The following STPG2 variants were observed in gnomAD, a reference collection of about 807,000 sequenced individuals.
STPG2 encodes the protein sperm tail PG-rich repeat containing 2.
A neutral mutation model predicts 54.2 loss-of-function variants in STPG2; 56 were observed. The observed-to-expected ratio is 1.03, with a 90% CI of 0.83 to 1.29. The LOEUF (loss-of-function observed/expected upper bound fraction) is 1.29. STPG2 is among the 50% of genes most tolerant of loss of function. STPG2 has a pLI of 0.00. For synonymous variants in STPG2, 200 were observed against 181.8 expected, an observed-to-expected ratio of 1.10 and a Z score of -0.81; for missense variants, 596 against 544.9, an observed-to-expected ratio of 1.09 and a Z score of -0.93.
intron 10 of STPG2, among the ~76,000 whole-genome samples, chr4:97,624,422 C>G (rs1261210330): frequency 1.3e-5 from 2 of 152,180 alleles, no homozygotes; most frequent in East Asian, 1.9e-4. Flanking sequence ...TAAATGTCTT[C>G]TTTTGAGAAG....
chr4:97,726,799 A>T (rs959352130), intron 9 of STPG2, among the ~76,000 whole-genome samples: 1 of 151,324 alleles, frequency 6.6e-6, no homozygotes, highest in Non-Finnish European at 1.5e-5. Flanking sequence ...ATACACACAC[A>T]CATAATACAA....
intron 10 of STPG2, among the ~76,000 whole-genome samples, chr4:97,622,376 C>A (rs1734034268): frequency 6.6e-6 from 1 of 152,098 alleles, no homozygotes; most frequent in Non-Finnish European, 1.5e-5. Context: ...ACCTAGAAAA[C>A]CCCATAGTCT....
chr4:98,026,450 G>A (rs1383063831), intron 5 of STPG2, among the ~76,000 whole-genome samples: 2 of 152,106 alleles, frequency 1.3e-5, no homozygotes, highest in Non-Finnish European at 2.9e-5. Flanking sequence ...TCTAATATTA[G>A]TTGGCAAGAG....
At chr4:97,563,044 A>G (rs1184058896) in intron 10 of STPG2, among the ~76,000 whole-genome samples, 3 of 152,192 alleles carry the variant, frequency 2.0e-5, no homozygotes, top group South Asian at 4.1e-4. Flanking sequence ...TACCTCTGGT[A>G]GAATTCGGCT....
In STPG2 at chr4:98,003,404, T is replaced by G. The variant is rs564246363; in HGVS notation, c.613-22086A>C. ...TAAATAATACATCATCAGTTTTTTT[T>G]TTCTCCAAAGACGAAAAAAACACAT... On this transcript the variant is annotated intron_variant, in intron 5 of 10. Transcript: ENST00000295268. 3.3e-5 allele frequency among the ~76,000 whole-genome samples: 5 copies of G among 152,146 alleles called. No individual in the cohort carries two copies. In the East Asian group the frequency reaches 9.7e-4, roughly 29 times the overall value.
intron 9 of STPG2, among the ~76,000 whole-genome samples, chr4:97,763,645 G>C (rs907145413): frequency 2.0e-5 from 3 of 152,050 alleles, no homozygotes; most frequent in Non-Finnish European, 2.9e-5. Context: ...TTGGGGTCTT[G>C]TTCCCCTAAT....
At chr4:98,116,917 T>C (rs1162994634) in intron 3 of STPG2, among the ~76,000 whole-genome samples, 1 of 152,034 alleles carries the variant, frequency 6.6e-6, no homozygotes. Flanking sequence ...TGCCTACTAC[T>C]GTATTTAAAC....
At chr4:97,893,630 A>T (rs531658376) in intron 8 of STPG2, among the ~76,000 whole-genome samples, 1 of 152,078 alleles carries the variant, frequency 6.6e-6, no homozygotes, top group African/African-American at 2.4e-5. Flanking sequence ...AAAAAAACTT[A>T]CTGCTGTCAG....
intron 5 of STPG2, among the ~76,000 whole-genome samples, chr4:97,983,468 T>C (rs1488387934): frequency 6.6e-6 from 1 of 152,208 alleles, no homozygotes; most frequent in Non-Finnish European, 1.5e-5. Context: ...TCAACTGTAC[T>C]TAGTTATCTA....
chr4:98,114,291 A>C (rs2110149214), intron 3 of STPG2, among the ~76,000 whole-genome samples: 1 of 152,264 alleles, frequency 6.6e-6, no homozygotes, highest in Non-Finnish European at 1.5e-5. Context: ...ACTCAGAAAT[A>C]AAGCAGAACA....
intron 5 of STPG2, among the ~76,000 whole-genome samples, chr4:98,038,323 A>G (rs762795743): frequency 6.6e-6 from 1 of 152,152 alleles, no homozygotes; most frequent in Non-Finnish European, 1.5e-5. Flanking sequence ...AAGATTTGTT[A>G]AACTGTAAAG....
chr4:97,577,997 GA>G (rs1173538068), intron 10 of STPG2, among the ~76,000 whole-genome samples: 1 of 151,718 alleles, frequency 6.6e-6, no homozygotes, highest in Non-Finnish European at 1.5e-5. Flanking sequence ...GAAATTTATA[GA>G]ATTACACACT....
intron 8 of STPG2, among the ~76,000 whole-genome samples, chr4:97,892,341 C>T (rs1178916059): frequency 2.0e-5 from 3 of 152,146 alleles, no homozygotes; most frequent in East Asian, 3.8e-4. Context: ...TTTCACATCA[C>T]TTGCACTCTC....
At chr4:97,848,395 G>C (rs1270459933) in intron 8 of STPG2, among the ~76,000 whole-genome samples, 1 of 152,094 alleles carries the variant, frequency 6.6e-6, no homozygotes, top group Admixed American at 6.6e-5. Flanking sequence ...AATTTCCTCA[G>C]ATAAGATTCA....
chr4:97,730,312 T>C (rs563099201), intron 9 of STPG2, among the ~76,000 whole-genome samples: 2 of 152,346 alleles, frequency 1.3e-5, no homozygotes, highest in East Asian at 3.9e-4. Context: ...GTTGCATCCA[T>C]GTTGCTGCAA....
intron 10 of STPG2, among the ~76,000 whole-genome samples, chr4:97,675,683 G>C (rs553525328): frequency 4.1e-4 from 63 of 151,926 alleles, no homozygotes; most frequent in African/African-American, 1.5e-3. Context: ...TTGTGTGTGT[G>C]TGTGTGTGTG....
intron 9 of STPG2, among the ~76,000 whole-genome samples, chr4:97,820,546 C>T (rs116131961): frequency 0.02 from 3,085 of 152,188 alleles, 101 homozygotes; most frequent in African/African-American, 0.071. Context: ...AAAATGCTAC[C>T]ACAGTAAATA....
At chr4:97,935,366 G>A (rs947263800) in intron 8 of STPG2, among the ~76,000 whole-genome samples, 6 of 152,022 alleles carry the variant, frequency 3.9e-5, no homozygotes, top group South Asian at 2.1e-4. Flanking sequence ...ATAATTTTTC[G>A]CATCTCCATC....
chr4:98,130,636 A>C (rs1187428796), intron 2 of STPG2, among the ~76,000 whole-genome samples: 1 of 151,988 alleles, frequency 6.6e-6, no homozygotes, highest in Non-Finnish European at 1.5e-5. Flanking sequence ...AAACTTTCCA[A>C]AATAGGCCAG....
Sources: allele counts gnomAD v4.1 joint callset (sites outside exome capture counted in the v4.1 genomes callset), GRCh38; gene constraint gnomAD v4.1.1; transcripts MANE v1.5; gene names NCBI Gene and HGNC (gene_info 2026-07-23, HGNC 2026-07-21).